The following KCNH1 variants were observed in gnomAD, a reference collection of about 807,000 sequenced individuals.
The protein encoded by KCNH1 is potassium voltage-gated channel subfamily H member 1.
KCNH1 carries 27 observed loss-of-function variants against 69.2 expected under a neutral mutation model. The observed-to-expected ratio is 0.39, with a 90% confidence interval of 0.29 to 0.54. The LOEUF is 0.54. Ranked by LOEUF, KCNH1 falls within the 20% of genes least tolerant of loss-of-function variation. The pLI is 0.68. For synonymous variants in KCNH1, 456 were observed against 487.7 expected (o/e 0.93, Z 0.86); for missense variants, 798 against 1,261.6 (o/e 0.63, Z 5.57).
chr1:211,097,402 C>T (rs937880733), intron 3 of KCNH1, among the ~76,000 whole-genome samples: 4 of 151,520 alleles, frequency 2.6e-5, no homozygotes, highest in Non-Finnish European at 4.4e-5. Flanking sequence ...TAAAGGAAAA[C>T]GCTGACATAA....
intron 7 of KCNH1, among the ~76,000 whole-genome samples, chr1:210,911,222 C>T (rs1687222991): frequency 6.6e-6 from 1 of 151,926 alleles, no homozygotes; most frequent in South Asian, 2.1e-4. Flanking sequence ...ACGGCTCTTC[C>T]CAAATAAATG....
chr1:210,851,023 A>G (rs2357922), intron 7 of KCNH1, among the ~76,000 whole-genome samples: 127,214 of 152,222 alleles, frequency 0.84, 53,339 homozygotes, highest in African/African-American at 0.87. Flanking sequence ...TCACCTAAAG[A>G]GCTGTTCAAT....
chr1:210,874,855 C>T (rs547860863), intron 7 of KCNH1, among the ~76,000 whole-genome samples: 4 of 152,130 alleles, frequency 2.6e-5, no homozygotes, highest in African/African-American at 7.2e-5. Flanking sequence ...TACACATAAC[C>T]CAGTGCATAT....
chr1:210,846,596 C>T (rs1252806980), intron 7 of KCNH1, among the ~76,000 whole-genome samples: 10 of 152,232 alleles, frequency 6.6e-5, no homozygotes, highest in African/African-American at 2.2e-4. Flanking sequence ...GGATTAAAGA[C>T]TTGCATGTTA....
chr1:211,073,495 CAAAT>C (rs1690682136), intron 5 of KCNH1, among the ~76,000 whole-genome samples: 1 of 152,098 alleles, frequency 6.6e-6, no homozygotes, highest in African/African-American at 2.4e-5. Flanking sequence ...CCTTAACAAA[CAAAT>C]AGAAATCATA....
chr1:211,036,703 G>A (rs570718820), intron 5 of KCNH1, among the ~76,000 whole-genome samples: 1 of 148,554 alleles, frequency 6.7e-6, no homozygotes, highest in Admixed American at 6.8e-5. Flanking sequence ...TGGTGATCCT[G>A]GTGACTACAG....
intron 10 of KCNH1, among the ~76,000 whole-genome samples, chr1:210,771,322 T>C (rs1683750240): frequency 6.6e-6 from 1 of 152,116 alleles, no homozygotes; most frequent in Non-Finnish European, 1.5e-5. Context: ...TGACCTAAGA[T>C]CTCAAAATAG....
intron 1 of KCNH1, among the ~76,000 whole-genome samples, chr1:211,117,534 A>G (rs931035846): frequency 7.2e-5 from 11 of 152,208 alleles, no homozygotes; most frequent in Admixed American, 5.2e-4. Flanking sequence ...GCCAGCCTAG[A>G]GAGAAAGAGG....
intron 5 of KCNH1, among the ~76,000 whole-genome samples, chr1:211,046,321 C>T (rs1489301069): frequency 2.0e-5 from 3 of 152,096 alleles, no homozygotes; most frequent in Non-Finnish European, 2.9e-5. Context: ...GTTCTAGGTT[C>T]ATATTCTAAT....
chr1:211,060,629 A>AT (rs1690418883), intron 5 of KCNH1, among the ~76,000 whole-genome samples: 1 of 151,998 alleles, frequency 6.6e-6, no homozygotes, highest in Admixed American at 6.5e-5. Context: ...AAAAGGAGAC[A>AT]TTACAATGGA....
chr1:210,909,193 C>T (rs550450831), intron 7 of KCNH1, among the ~76,000 whole-genome samples: 91 of 152,352 alleles, frequency 6.0e-4, no homozygotes, highest in African/African-American at 2.2e-3. Flanking sequence ...CTGCAGTATC[C>T]TCATTGGAAG....
chr1:210,746,118 T>G (rs1558452025), intron 10 of KCNH1, among the ~76,000 whole-genome samples: 1 of 152,128 alleles, frequency 6.6e-6, no homozygotes, highest in African/African-American at 2.4e-5. Flanking sequence ...AGTGACCCTC[T>G]AAAAAGAGGT....
chr1:211,000,097 T>C (rs905664241), intron 6 of KCNH1, among the ~76,000 whole-genome samples: 11 of 152,208 alleles, frequency 7.2e-5, no homozygotes, highest in East Asian at 1.9e-4. Flanking sequence ...CTTTGAAAAC[T>C]GGCACAAGAC....
At position 210,835,591 on chromosome 1, in the gene KCNH1, T is replaced by G. The variant is rs142850361; in HGVS notation, c.1463-31425A>C. 4.6e-5 allele frequency among the ~76,000 whole-genome samples: 7 copies of G among 151,814 alleles called. No individual in the cohort carries two copies. The East Asian group carries it at 7.8e-4, about 17-fold the overall frequency. On this transcript the variant is annotated intron_variant, in intron 7 of 10. Coordinates refer to ENST00000271751, the MANE Select transcript of KCNH1 (RefSeq NM_172362.3). ...GGGAGGCAGCAGAGGAAGCCCAGAG[T>G]GGTGGAGTAATTTAGACCATACCAA...
At chr1:210,884,788 T>C (rs1171279895) in intron 7 of KCNH1, among the ~76,000 whole-genome samples, 1 of 152,206 alleles carries the variant, frequency 6.6e-6, no homozygotes, top group Non-Finnish European at 1.5e-5. Context: ...CAGACATTCA[T>C]GCCAGTTTGT....
chr1:211,041,839 C>T (rs1690001572), intron 5 of KCNH1, among the ~76,000 whole-genome samples: 1 of 152,274 alleles, frequency 6.6e-6, no homozygotes, highest in South Asian at 2.1e-4. Flanking sequence ...ACTGCAACCT[C>T]TGCCTCCCGG....
intron 5 of KCNH1, among the ~76,000 whole-genome samples, chr1:211,082,232 C>T (rs1378257197): frequency 6.6e-6 from 1 of 152,118 alleles, no homozygotes; most frequent in African/African-American, 2.4e-5. Flanking sequence ...GCAACATAAT[C>T]ACATTTAATG....
chr1:211,037,072 G>T (rs1325405268), intron 5 of KCNH1, among the ~76,000 whole-genome samples: 3 of 152,174 alleles, frequency 2.0e-5, no homozygotes, highest in Non-Finnish European at 4.4e-5. Context: ...AAATCAGACT[G>T]ACTAACCTAT....
At chr1:210,831,370 A>G (rs955502788) in intron 7 of KCNH1, among the ~76,000 whole-genome samples, 1 of 152,212 alleles carries the variant, frequency 6.6e-6, no homozygotes, top group African/African-American at 2.4e-5. Flanking sequence ...TACTAGGCAT[A>G]ATTTCATTGA....
Sources: gnomAD v4.1 joint callset for allele counts (sites outside exome capture counted in the v4.1 genomes callset) on GRCh38, gnomAD v4.1.1 for gene constraint, MANE v1.5 for transcripts, NCBI Gene and HGNC (gene_info 2026-07-23, HGNC 2026-07-21) for gene names.